The following CDK14 variants were observed in gnomAD, a reference collection of about 807,000 sequenced individuals.
CDK14 encodes cyclin-dependent kinase 14.
In CDK14, 34 loss-of-function variants were observed where a neutral mutation model predicts 60.7. That is an observed-to-expected ratio of 0.56 (90% CI 0.43 to 0.75). The LOEUF (loss-of-function observed/expected upper bound fraction) is 0.75, where lower values mean the gene tolerates loss of function less well. Ranked by LOEUF, CDK14 falls within the 30% of genes least tolerant of loss-of-function variation. The probability of loss-of-function intolerance (pLI) is 0.00; values close to 1 mark genes in which losing one functional copy is unlikely to be tolerated. For missense variants in CDK14, 482 were observed against 564.1 expected, an observed-to-expected ratio of 0.85 and a Z score of 1.47; for synonymous variants, 197 against 203.7, an observed-to-expected ratio of 0.97 and a Z score of 0.28.
intron 9 of CDK14, among the ~76,000 whole-genome samples, chr7:90,972,758 A>G (rs1005665813): frequency 6.6e-6 from 1 of 152,214 alleles, no homozygotes; most frequent in East Asian, 1.9e-4. Context: ...TGGAGCTTGA[A>G]TATATGTTCA....
At chr7:91,007,955 G>A (rs1330589602) in intron 10 of CDK14, among the ~76,000 whole-genome samples, 1 of 151,788 alleles carries the variant, frequency 6.6e-6, no homozygotes, top group South Asian at 2.1e-4. Flanking sequence ...CCATGTAAGA[G>A]TTGCAGCCTT....
intron 6 of CDK14, among the ~76,000 whole-genome samples, chr7:90,885,727 A>G (rs1663185403): frequency 6.6e-6 from 1 of 152,256 alleles, no homozygotes; most frequent in African/African-American, 2.4e-5. Context: ...ATGGAATGCT[A>G]TGCAGCCGTA....
chr7:90,682,241 G>C, intron 2 of CDK14, among the ~76,000 whole-genome samples: 1 of 152,042 alleles, frequency 6.6e-6, no homozygotes, highest in Non-Finnish European at 1.5e-5. Flanking sequence ...ATCTTTAAGG[G>C]AAAATGTATA....
intron 12 of CDK14, among the ~76,000 whole-genome samples, chr7:91,094,322 T>A (rs1798917138): frequency 6.6e-6 from 1 of 152,188 alleles, no homozygotes; most frequent in South Asian, 2.1e-4. Context: ...TTTTCAGGGA[T>A]GTACTCTAAT....
chr7:90,926,136 T>G (rs990248530), intron 8 of CDK14, among the ~76,000 whole-genome samples: 3 of 152,146 alleles, frequency 2.0e-5, no homozygotes, highest in African/African-American at 7.2e-5. Context: ...ATTAATAACT[T>G]AGTTGGCACA....
At chr7:90,978,655 A>C (rs1029744640) in intron 9 of CDK14, among the ~76,000 whole-genome samples, 1 of 152,162 alleles carries the variant, frequency 6.6e-6, no homozygotes, top group Non-Finnish European at 1.5e-5. Context: ...CTATTTTGGG[A>C]AAAAGTTAGA....
intron 5 of CDK14, among the ~76,000 whole-genome samples, chr7:90,815,397 T>C (rs2117058294): frequency 6.6e-6 from 1 of 152,268 alleles, no homozygotes; most frequent in East Asian, 1.9e-4. Context: ...AGAATGGCAA[T>C]CATTAAAAAG....
At chr7:90,812,124 C>T (rs1220903665) in intron 5 of CDK14, among the ~76,000 whole-genome samples, 5 of 152,134 alleles carry the variant, frequency 3.3e-5, no homozygotes, top group Admixed American at 2.0e-4. Flanking sequence ...TGGGTATATA[C>T]CCAAAGGATT....
At chr7:91,058,360 A>C (rs1797655881) in intron 11 of CDK14, among the ~76,000 whole-genome samples, 2 of 152,166 alleles carry the variant, frequency 1.3e-5, no homozygotes, top group South Asian at 4.1e-4. Flanking sequence ...AAACAGGGAC[A>C]ATTTGGCTTC....
intron 10 of CDK14, among the ~76,000 whole-genome samples, chr7:90,996,755 A>G (rs1279557383): frequency 6.6e-6 from 1 of 152,234 alleles, no homozygotes; most frequent in Non-Finnish European, 1.5e-5. Flanking sequence ...ATACCATTCA[A>G]TTAAATTTTT....
At chr7:90,928,422 T>C (rs1793489990) in intron 8 of CDK14, among the ~76,000 whole-genome samples, 1 of 152,190 alleles carries the variant, frequency 6.6e-6, no homozygotes, top group Non-Finnish European at 1.5e-5. Context: ...CCTTTCTGTT[T>C]GTTAGTTTTC....
intron 10 of CDK14, among the ~76,000 whole-genome samples, chr7:91,011,584 G>T (rs1796160112): frequency 6.6e-6 from 1 of 151,664 alleles, no homozygotes. Context: ...ATGTCTTTTG[G>T]GCAAGTTCAT....
intron 10 of CDK14, among the ~76,000 whole-genome samples, chr7:90,989,396 C>G (rs1363780440): frequency 6.6e-6 from 1 of 152,016 alleles, no homozygotes; most frequent in Non-Finnish European, 1.5e-5. Context: ...TTATTTCTGC[C>G]ATACTACTTC....
At chr7:90,763,649 A>G (rs779370294) in intron 4 of CDK14, among the ~76,000 whole-genome samples, 3 of 138,734 alleles carry the variant, frequency 2.2e-5, no homozygotes, top group Non-Finnish European at 4.6e-5. Flanking sequence ...GGAACATCAC[A>G]CACTGGGGCC....
chr7:90,718,832 T>TTA (rs1161353664), intron 2 of CDK14, among the ~76,000 whole-genome samples: 1 of 152,144 alleles, frequency 6.6e-6, no homozygotes, highest in Non-Finnish European at 1.5e-5. Context: ...ATGAAGGCAG[T>TTA]TATCATTGGT....
At chr7:90,792,933 T>G (rs1805893829) in intron 5 of CDK14, among the ~76,000 whole-genome samples, 1 of 152,244 alleles carries the variant, frequency 6.6e-6, no homozygotes, top group African/African-American at 2.4e-5. Context: ...CTGGCTCTTT[T>G]TAGATTTAGG....
At chr7:90,687,328 A>C (rs759766239) in intron 2 of CDK14, among the ~76,000 whole-genome samples, 1 of 152,094 alleles carries the variant, frequency 6.6e-6, no homozygotes, top group African/African-American at 2.4e-5. Flanking sequence ...TTAAGGGTCT[A>C]TTTAGGGCTG....
At chr7:91,170,119 G>T (rs1451220758) in intron 14 of CDK14, among the ~76,000 whole-genome samples, 1 of 152,146 alleles carries the variant, frequency 6.6e-6, no homozygotes, top group Non-Finnish European at 1.5e-5. Context: ...CAGCACTTTT[G>T]CTCTGTGATG....
In CDK14 at chr7:91,058,947, T is replaced by C. The variant is rs535862954; in HGVS notation, c.1105+12987T>C. On this transcript the variant is annotated intron_variant, in intron 11 of 14. Coordinates refer to ENST00000380050, the MANE Select transcript of CDK14 (RefSeq NM_001287135.2). ...ATGAGTTAGGGAGGATTTCCTCTTT[T>C]TCTATTGATTGGAGTAGCTTCAGAA... Among the ~76,000 whole-genome samples, 3 of 152,346 alleles carry C rather than the reference T, an allele frequency of 2.0e-5. No homozygotes were observed. In the East Asian group the frequency reaches 5.8e-4, roughly 29 times the overall value.
Sources: allele counts gnomAD v4.1 joint callset (sites outside exome capture counted in the v4.1 genomes callset), GRCh38; gene constraint gnomAD v4.1.1; transcripts MANE v1.5; gene names NCBI Gene and HGNC (gene_info 2026-07-23, HGNC 2026-07-21).